Variants in SHANK2 observed in about 807,000 individuals in gnomAD.
SHANK2 encodes SH3 and multiple ankyrin repeat domains 2.
SHANK2 carries 43 observed loss-of-function variants against 133.7 expected under a neutral mutation model. The ratio of observed to expected loss-of-function variants is 0.32; its 90% confidence interval spans 0.25 to 0.41. The LOEUF (loss-of-function observed/expected upper bound fraction) is 0.41, where lower values mean the gene tolerates loss of function less well. SHANK2 is among the 10% of genes least tolerant of loss of function. SHANK2 has a pLI of 1.00. For synonymous variants in SHANK2, 1,017 were observed against 952.8 expected (o/e 1.07, Z -1.24); for missense variants, 1,994 against 2,235.8 (o/e 0.89, Z 2.18).
chr11:70,784,919 G>C (rs1394526816), intron 14 of SHANK2, among the ~76,000 whole-genome samples: 4 of 152,370 alleles, frequency 2.6e-5, no homozygotes, highest in African/African-American at 9.6e-5. Flanking sequence ...GGAAGCCACA[G>C]GTGGTCCCCT....
intron 1 of SHANK2, among the ~76,000 whole-genome samples, chr11:71,225,775 A>G (rs1203533560): frequency 3.9e-5 from 6 of 152,242 alleles, no homozygotes; most frequent in Non-Finnish European, 5.9e-5. Context: ...GAAATAACAG[A>G]AAGCCTCACC....
intron 14 of SHANK2, among the ~76,000 whole-genome samples, chr11:70,712,213 C>T (rs929261279): frequency 6.6e-6 from 1 of 152,214 alleles, no homozygotes; most frequent in Non-Finnish European, 1.5e-5. Flanking sequence ...CCCCCCACTG[C>T]ATTGCATCCC....
At chr11:70,536,529 T>A (rs1468138476) in intron 17 of SHANK2, among the ~76,000 whole-genome samples, 1 of 152,102 alleles carries the variant, frequency 6.6e-6, no homozygotes, top group Non-Finnish European at 1.5e-5. Flanking sequence ...ATCCTGAGGC[T>A]GTGTCTGCAC....
chr11:70,887,091 T>A (rs1175282889), intron 11 of SHANK2, among the ~76,000 whole-genome samples: 1 of 152,146 alleles, frequency 6.6e-6, no homozygotes, highest in Admixed American at 6.5e-5. Context: ...AGTCCAAAGC[T>A]TATCAGCTGG....
chr11:70,856,570 G>A (rs1175307840), intron 11 of SHANK2, among the ~76,000 whole-genome samples: 4 of 152,088 alleles, frequency 2.6e-5, no homozygotes, highest in African/African-American at 4.8e-5. Flanking sequence ...ATGAATGAAT[G>A]GGAGGGTAGA....
chr11:70,515,230 G>A (rs984220238), intron 17 of SHANK2, among the ~76,000 whole-genome samples: 76 of 152,162 alleles, frequency 5.0e-4, no homozygotes, highest in Non-Finnish European at 8.8e-4. Flanking sequence ...GTAGAAATGT[G>A]GTTTCACCAT....
intron 1 of SHANK2, among the ~76,000 whole-genome samples, chr11:71,234,310 C>T (rs1954795585): frequency 6.6e-6 from 1 of 150,686 alleles, no homozygotes; most frequent in South Asian, 2.1e-4. Flanking sequence ...TGCAGTGAGC[C>T]AAGACCATGC....
At chr11:70,501,594 C>A (rs1162121593) in intron 20 of SHANK2, among the ~76,000 whole-genome samples, 1 of 152,256 alleles carries the variant, frequency 6.6e-6, no homozygotes, top group African/African-American at 2.4e-5. Flanking sequence ...CCGGAACAAA[C>A]AGGATCCTGC....
At chr11:70,947,132 A>ACAC (rs1950756874) in intron 10 of SHANK2, among the ~76,000 whole-genome samples, 1 of 126,534 alleles carries the variant, frequency 7.9e-6, no homozygotes, top group African/African-American at 3.1e-5. Context: ...GCACCTCTCC[A>ACAC]ACACACACAC....
Position 70,472,250 on chromosome 11 carries a change from T to A in SHANK2, c.*619A>T, listed in dbSNP as rs1316612483. ...AACCTCATGGCCAAAGAGCCATGGATGCAAACCACAGGAGGAGATGGGGAA... is the reference window on the plus strand; with the variant it reads ...AACCTCATGGCCAAAGAGCCATGGAAGCAAACCACAGGAGGAGATGGGGAA... On this transcript the variant is annotated 3_prime_UTR_variant, in exon 26 of 26. Transcript: ENST00000601538. This position sits in a 1 kb window ranked among gnomAD's most constrained non-coding sequence, Gnocchi z 4.4. 6.5e-6 allele frequency: 1 copy of A among 154,644 alleles called. No individual in the cohort carries two copies. Among genetic ancestry groups the A allele is most frequent in the African/African-American group, 2.4e-5 (1 of 41,482 alleles). 9.6% of individuals were successfully genotyped at this position (154,644 alleles called of 1,614,324 possible).
At position 71,113,178 on chromosome 11, in the gene SHANK2, A is replaced by G; in HGVS notation, c.483+115T>C. 7.4e-6 allele frequency: 7 copies of G among 949,442 alleles called. No homozygotes were observed. In the South Asian group the frequency reaches 1.1e-4, roughly 15 times the overall value. 58.8% of individuals were successfully genotyped at this position (949,442 alleles called of 1,614,324 possible). Reference sequence around the variant, plus strand: ...GTACATCCCAGCCCAGCCACACGCCATGCCAGGTACACAGCAGGTGCCCCT... The same window carrying G: ...GTACATCCCAGCCCAGCCACACGCCGTGCCAGGTACACAGCAGGTGCCCCT... On this transcript the variant is annotated intron_variant, in intron 5 of 25. Transcript: ENST00000601538.
At chr11:71,180,267 C>T (rs539925137) in intron 2 of SHANK2, among the ~76,000 whole-genome samples, 8 of 152,294 alleles carry the variant, frequency 5.3e-5, no homozygotes, top group African/African-American at 1.9e-4. Flanking sequence ...GAACAAACCA[C>T]GGGGCACAGA....
chr11:70,563,626 C>G (rs1191211960), intron 17 of SHANK2, among the ~76,000 whole-genome samples: 1 of 151,308 alleles, frequency 6.6e-6, no homozygotes, highest in African/African-American at 2.4e-5. Flanking sequence ...GCAACCTCCG[C>G]CTCCTGGATT....
intron 22 of SHANK2, among the ~76,000 whole-genome samples, chr11:70,490,773 G>A (rs2058875057): frequency 6.6e-6 from 1 of 152,174 alleles, no homozygotes; most frequent in Admixed American, 6.5e-5. Context: ...TCTGGCCTGG[G>A]TCCATACCCC....
At position 70,608,702 on chromosome 11, in the gene SHANK2, G is replaced by A. The variant is rs1554993277; in HGVS notation, c.2061+51126C>T. ...CTGCTTCACCCACCTCGACACGGGG[G>A]TGAGGGCCACGGGCTCCCGGAAACC... On this transcript the variant is annotated intron_variant, in intron 17 of 25. Transcript: ENST00000601538. 2.6e-5 allele frequency among the ~76,000 whole-genome samples: 4 copies of A among 152,188 alleles called. No homozygotes were observed. The East Asian group carries it at 5.8e-4, about 22-fold the overall frequency.
chr11:70,935,522 T>A (rs1950559731), intron 10 of SHANK2, among the ~76,000 whole-genome samples: 3 of 152,024 alleles, frequency 2.0e-5, no homozygotes, highest in Admixed American at 1.3e-4. Flanking sequence ...TCTCAGGAGG[T>A]CACTCCCCCT....
rs189544039 is a variant in SHANK2, at chr11:70,817,780, G to A, written c.1493+2584C>T. ...GATGGAGTCTCGCTCTGTCACTCAG[G>A]CCGGAGTGCAGTGGTGCCATCTCAG... On this transcript the variant is annotated intron_variant, in intron 12 of 25. Coordinates refer to ENST00000601538, the MANE Select transcript of SHANK2 (RefSeq NM_012309.5). Among the ~76,000 whole-genome samples the A allele has an allele frequency of 2.6e-5, 4 of 152,258 alleles. No individual in the cohort carries two copies. In the East Asian group the frequency reaches 7.7e-4, roughly 29 times the overall value.
At chr11:70,512,851 A>T (rs2059220718) in intron 17 of SHANK2, among the ~76,000 whole-genome samples, 2 of 152,228 alleles carry the variant, frequency 1.3e-5, no homozygotes, top group South Asian at 4.1e-4. Flanking sequence ...CCCCAAATAG[A>T]GTTAGGACAT....
chr11:70,915,547 T>C (rs1233483242), intron 10 of SHANK2, among the ~76,000 whole-genome samples: 1 of 151,994 alleles, frequency 6.6e-6, no homozygotes, highest in African/African-American at 2.4e-5. Context: ...GTGAATCAGA[T>C]CAGCAGGTCT....
Sources: gnomAD v4.1 joint callset for allele counts (sites outside exome capture counted in the v4.1 genomes callset) on GRCh38, gnomAD v4.1.1 for gene constraint, Gnocchi (gnomAD v3.1) non-coding constraint, MANE v1.5 for transcripts, NCBI Gene and HGNC (gene_info 2026-07-23, HGNC 2026-07-21) for gene names.